The following TRIM14 variants were observed in gnomAD, a reference collection of about 807,000 sequenced individuals.
TRIM14 encodes the protein tripartite motif containing 14, also known as tripartite motif-containing protein 14.
In TRIM14, 28 loss-of-function variants were observed where a neutral mutation model predicts 44.5. The ratio of observed to expected loss-of-function variants is 0.63; its 90% CI spans 0.47 to 0.86. The LOEUF is 0.86. TRIM14 is among the 40% of genes least tolerant of loss of function. The pLI, the probability that TRIM14 is intolerant of heterozygous loss-of-function variation, is 0.00. For missense variants in TRIM14, 607 were observed against 611.1 expected (o/e 0.99, Z 0.07); for synonymous variants, 299 against 269.2 (o/e 1.11, Z -1.08).
intron 5 of TRIM14, 95 bp from the exon 6 acceptor site, chr9:98,088,100 TGCGAAGCGCGGAAATG>T: frequency 7.6e-7 from 1 of 1,313,688 alleles, no homozygotes; most frequent in Non-Finnish European, 9.8e-7. Flanking sequence ...AATCACAAAA[TGCGAAGCGCGGAAATG>T]GCCCAAGGAA....
At chr9:98,090,348 A>C (rs559588140) in intron 5 of TRIM14, among the ~76,000 whole-genome samples, 1 of 152,318 alleles carries the variant, frequency 6.6e-6, no homozygotes, top group South Asian at 2.1e-4. Context: ...AGTGTGAATG[A>C]TCTACTGAAA....
At chr9:98,044,133 C>T in the TRIM14 span, among the ~76,000 whole-genome samples, 2 of 151,432 alleles carry the variant, frequency 1.3e-5, no homozygotes, top group Admixed American at 6.6e-5. Flanking sequence ...GTGTTACTGC[C>T]CTCTTAGCGT....
chr9:98,083,559 A>G (rs557266533), downstream of TRIM14, among the ~76,000 whole-genome samples: 2 of 152,366 alleles, frequency 1.3e-5, no homozygotes, highest in African/African-American at 4.8e-5. Context: ...GAAAATGCTG[A>G]AAGCACTCCT....
chr9:98,110,812 G>C (rs990908578), intron 1 of TRIM14, among the ~76,000 whole-genome samples: 2 of 148,174 alleles, frequency 1.3e-5, no homozygotes, highest in Non-Finnish European at 2.9e-5. Context: ...TTCGAGACCA[G>C]CCTGGGCAAC....
chr9:98,113,179 T>C (rs1365014918), intron 1 of TRIM14, among the ~76,000 whole-genome samples: 12 of 146,326 alleles, frequency 8.2e-5, no homozygotes, highest in Non-Finnish European at 1.8e-4. Flanking sequence ...TAAGTATTAA[T>C]ATCAAAAGCA....
the TRIM14 span, among the ~76,000 whole-genome samples, chr9:98,063,227 C>T: frequency 6.6e-6 from 1 of 151,088 alleles, no homozygotes. Context: ...CCATGCCCAG[C>T]CCAGTTTTAT....
intron 6 of TRIM14, chr9:98,078,356 G>A (rs1432779098): frequency 6.2e-7 from 1 of 1,612,616 alleles, no homozygotes; most frequent in Non-Finnish European, 8.5e-7. Context: ...CGGTGAGCAG[G>A]AGGGAGGGGG....
downstream of TRIM14, among the ~76,000 whole-genome samples, chr9:98,064,709 G>A (rs762635707): frequency 2.6e-5 from 4 of 152,200 alleles, no homozygotes; most frequent in Non-Finnish European, 5.9e-5. Context: ...TAGGAAATGG[G>A]TCTTAAAGGT....
At chr9:98,107,769 C>T (rs1215930187) in intron 2 of TRIM14, among the ~76,000 whole-genome samples, 1 of 151,890 alleles carries the variant, frequency 6.6e-6, no homozygotes, top group Non-Finnish European at 1.5e-5. Flanking sequence ...TGGGTTCAAG[C>T]GATCCTCCCA....
At chr9:98,058,048 G>A in the TRIM14 span, among the ~76,000 whole-genome samples, 2 of 146,494 alleles carry the variant, frequency 1.4e-5, no homozygotes, top group Non-Finnish European at 3.0e-5. Flanking sequence ...TCAGCCTCCC[G>A]AGTAGCTGGG....
the TRIM14 span, among the ~76,000 whole-genome samples, chr9:98,046,243 C>T: frequency 6.6e-6 from 1 of 152,058 alleles, no homozygotes; most frequent in African/African-American, 2.4e-5. Context: ...GAACTGAGTT[C>T]CTTCTGACTT....
intron 1 of TRIM14, among the ~76,000 whole-genome samples, chr9:98,115,293 A>C (rs558845675): frequency 2.2e-4 from 33 of 152,178 alleles, no homozygotes; most frequent in Middle Eastern, 3.4e-3. Context: ...TCTGTTGCCC[A>C]GGCTGGAGTG....
chr9:98,087,736 G>A lies in TRIM14; in HGVS notation c.1063C>T (p.Leu355=). 6.4e-7 allele frequency: 1 copy of A among 1,569,376 alleles called. No individual in the cohort carries two copies. Among genetic ancestry groups the A allele is most frequent in the Non-Finnish European group, 8.6e-7 (1 of 1,166,720 alleles). The change falls in exon 6 of 6, where the codon CTG becomes TTG. Residue 355 remains leucine (L), a synonymous_variant. Transcript: ENST00000341469. ...RRRGASAAAR[L]GCNRQSWCLK... ...CACCAGGACTGGCGGTTGCAGCCCAGGCGGGCGGCGGCCGAGGCCCCGCGG... is the reference window on the plus strand; with the variant it reads ...CACCAGGACTGGCGGTTGCAGCCCAAGCGGGCGGCGGCCGAGGCCCCGCGG...
the TRIM14 span, among the ~76,000 whole-genome samples, chr9:98,039,795 A>G: frequency 6.6e-6 from 1 of 152,052 alleles, no homozygotes; most frequent in Admixed American, 6.6e-5. Flanking sequence ...TCCCCCACCC[A>G]GCAAGTTATC....
the TRIM14 span, among the ~76,000 whole-genome samples, chr9:98,037,144 G>A: frequency 6.6e-6 from 1 of 152,212 alleles, no homozygotes; most frequent in Non-Finnish European, 1.5e-5. Flanking sequence ...TTGGGAGGCT[G>A]AGGCAGGAGG....
At chr9:98,100,759 G>A (rs1826360700) in intron 2 of TRIM14, among the ~76,000 whole-genome samples, 1 of 152,150 alleles carries the variant, frequency 6.6e-6, no homozygotes, top group Admixed American at 6.5e-5. Flanking sequence ...ATGTATGTAT[G>A]TGTATGTGTG....
Position 98,095,147 on chromosome 9 carries a change from C to G in TRIM14, c.538-118G>C. On this transcript the variant is annotated intron_variant, in intron 3 of 5. Coordinates refer to ENST00000341469, the MANE Select transcript of TRIM14 (RefSeq NM_014788.4). This position sits in a 1 kb window ranked among gnomAD's most constrained non-coding sequence, Gnocchi z 4.1. ...ATGCCCAGGCTCCACGTTGGCCTGGCACCTATGGTCAGCCCAGGCCATGCC... is the reference window on the plus strand; with the variant it reads ...ATGCCCAGGCTCCACGTTGGCCTGGGACCTATGGTCAGCCCAGGCCATGCC... The G allele has an allele frequency of 2.3e-6, 3 of 1,289,460 alleles. No homozygotes were observed. Among genetic ancestry groups the G allele is most frequent in the Non-Finnish European group, 3.1e-6 (3 of 955,380 alleles). 79.9% of individuals were successfully genotyped at this position (1,289,460 alleles called of 1,614,324 possible). A position where few individuals can be genotyped will look rare whatever the true frequency, so the allele number is the denominator to read the frequency against.
chr9:98,107,837 A>ATT (rs35567100), intron 2 of TRIM14, among the ~76,000 whole-genome samples: 2 of 149,714 alleles, frequency 1.3e-5, no homozygotes, highest in South Asian at 2.1e-4. Context: ...ATTTTTTTGT[A>ATT]TTTTTTTTTT....
At chr9:98,047,867 C>G in the TRIM14 span, among the ~76,000 whole-genome samples, 1 of 151,940 alleles carries the variant, frequency 6.6e-6, no homozygotes. Flanking sequence ...GAGTTTGAGA[C>G]CAGCCTGGCC....
Sources: gnomAD v4.1 joint callset for allele counts (sites outside exome capture counted in the v4.1 genomes callset) on GRCh38, gnomAD v4.1.1 for gene constraint, Gnocchi (gnomAD v3.1) non-coding constraint, MANE v1.5 for transcripts, NCBI Gene and HGNC (gene_info 2026-07-23, HGNC 2026-07-21) for gene names.